Variants in LYZ observed in about 807,000 individuals in gnomAD.
The protein encoded by LYZ is lysozyme C.
LYZ carries 18 observed loss-of-function variants against 15.8 expected under a neutral mutation model. The observed-to-expected ratio is 1.14, with a 90% CI of 0.79 to 1.69. The LOEUF (loss-of-function observed/expected upper bound fraction) is 1.69. Ranked by LOEUF, LYZ falls within the 40% of genes most tolerant of loss-of-function variation. The probability of loss-of-function intolerance (pLI) is 0.00; values close to 1 mark genes in which losing one functional copy is unlikely to be tolerated. For missense variants in LYZ, 139 were observed against 182.8 expected (o/e 0.76, Z 1.38); for synonymous variants, 60 against 61.7 (o/e 0.97, Z 0.13).
At chr12:69,348,668 T>TA (rs1341895491) in intron 1 of LYZ, 124 bp downstream of exon 1, 27 of 1,184,760 alleles carry the variant, frequency 2.3e-5, no homozygotes, top group Non-Finnish European at 3.2e-5. Flanking sequence ...TTTGTATACT[T>TA]ACAATGGCTA....
intron 2 of LYZ, 40 bp downstream of exon 2, chr12:69,350,312 C>T: frequency 6.2e-7 from 1 of 1,606,458 alleles, no homozygotes; most frequent in East Asian, 2.2e-5. Context: ...GTTATACTTA[C>T]AAGAATTGAG....
At chr12:69,349,759 A>G (rs1874800271) in intron 1 of LYZ, among the ~76,000 whole-genome samples, 1 of 152,238 alleles carries the variant, frequency 6.6e-6, no homozygotes, top group East Asian at 1.9e-4. Flanking sequence ...TGTATCTGCT[A>G]TGAATTTACA....
intron 3 of LYZ, 78 bp downstream of exon 3, chr12:69,352,376 C>T: frequency 8.7e-7 from 1 of 1,151,974 alleles, no homozygotes; most frequent in Non-Finnish European, 1.3e-6. Flanking sequence ...TTTTAAAGAC[C>T]AAAGTATGCT....
rs760486480 is a variant in LYZ, at chr12:69,350,238, A to C, written c.267A>C (p.Pro89=). The C allele has an allele frequency of 6.2e-7, 1 of 1,614,174 alleles. No individual in the cohort carries two copies. Among genetic ancestry groups the C allele is most frequent in the South Asian group, 1.1e-5 (1 of 91,088 alleles). ...SRYWCNDGKT[P]GAVNACHLSC... is the part of the protein sequence containing the mutation. ...ACTGGTGTAATGATGGCAAAACCCC[A>C]GGAGCAGTTAATGCCTGTCATTTAT... Residue 89 remains proline, a synonymous_variant, in exon 2 of 4, where the codon CCA becomes CCC. Transcript: ENST00000261267.
chr12:69,351,281 T>G (rs916542055), intron 2 of LYZ, among the ~76,000 whole-genome samples: 5 of 152,054 alleles, frequency 3.3e-5, no homozygotes, highest in African/African-American at 1.2e-4. Flanking sequence ...TCAAAAATAT[T>G]GCAGAAATCT....
At chr12:69,351,564 A>C (rs1429545193) in intron 2 of LYZ, among the ~76,000 whole-genome samples, 1 of 152,154 alleles carries the variant, frequency 6.6e-6, no homozygotes, top group Non-Finnish European at 1.5e-5. Context: ...ATATAAACCC[A>C]CATACAAACA....
chr12:69,349,194 G>A (rs1240619355), intron 1 of LYZ, among the ~76,000 whole-genome samples: 1 of 151,980 alleles, frequency 6.6e-6, no homozygotes, highest in African/African-American at 2.4e-5. Context: ...GTACAGATGG[G>A]GTTTCACCAT....
rs1874914848 is a variant in LYZ, at chr12:69,354,212, C to G, written c.*993C>G. 6.6e-6 allele frequency: 1 copy of G among 152,178 alleles called. No homozygotes were observed. Among genetic ancestry groups the G allele is most frequent in the South Asian group, 2.1e-4 (1 of 4,828 alleles). The allele number at this position is 152,178 out of a possible 1,614,324, so 9.4% of individuals were successfully genotyped here. ...GCATGATGTAAAAAATACAAACATTCTAATTAAAGGCTTTGCAACACATGC... is the reference window on the plus strand; with the variant it reads ...GCATGATGTAAAAAATACAAACATTGTAATTAAAGGCTTTGCAACACATGC... On this transcript the variant is annotated 3_prime_UTR_variant, in exon 4 of 4. Transcript: ENST00000261267.
At position 69,348,733 on chromosome 12, in the gene LYZ, A is replaced by T. The variant is rs375718881; in HGVS notation, c.136+189A>T. Among the ~76,000 whole-genome samples the T allele has an allele frequency of 3.9e-5, 6 of 152,314 alleles. No homozygotes were observed. The East Asian group carries it at 1.2e-3, about 29-fold the overall frequency. ...AGATACCCGATAAAGGAATACGGGC[A>T]TGGCAGGGGAAAATTCCATTCTAAG... On this transcript the variant is annotated intron_variant, in intron 1 of 3. Transcript: ENST00000261267.
intron 2 of LYZ, among the ~76,000 whole-genome samples, chr12:69,351,676 A>C (rs907762431): frequency 6.6e-6 from 1 of 152,112 alleles, no homozygotes; most frequent in African/African-American, 2.4e-5. Flanking sequence ...AGCAAATACA[A>C]ATCGGTTTTT....
chr12:69,350,388 C>T, intron 2 of LYZ, 116 bp downstream of exon 2: 1 of 971,312 alleles, frequency 1.0e-6, no homozygotes, highest in South Asian at 1.4e-5. Flanking sequence ...ATCTCAACTT[C>T]CAGAAAGTCA....
intron 2 of LYZ, 160 bp downstream of exon 2, chr12:69,350,432 A>G: frequency 1.4e-6 from 1 of 703,594 alleles, no homozygotes; most frequent in Non-Finnish European, 2.4e-6. Flanking sequence ...TGAGTAAGAA[A>G]TTAAAGAAGT....
intron 2 of LYZ, chr12:69,350,528 T>A (rs1026718257): frequency 4.4e-6 from 2 of 449,834 alleles, no homozygotes; most frequent in African/African-American, 4.0e-5. Flanking sequence ...TACTGATGCT[T>A]TGTCCAGAAC....
chr12:69,353,160 T>C lies in LYZ; in HGVS notation c.388T>C (p.Trp130Arg), dbSNP rs1454603223. Residue 130 changes from tryptophan to arginine, a missense_variant, in exon 4 of 4, where the codon TGG (tryptophan) becomes CGG (arginine). By Grantham distance (101) the Trp-to-Arg change is moderately radical (BLOSUM62 -3). Coordinates refer to ENST00000261267, the MANE Select transcript of LYZ (RefSeq NM_000239.3). ...DPQGIRAWVA[W>R]RNRCQNRDVR... ...CTTCATCTTTTTCTACAGGGTGGCA[T>C]GGAGAAATCGTTGTCAAAACAGAGA... is the stretch of plus-strand genomic sequence containing the variant. 8 of 1,613,392 alleles carry C rather than the reference T, an allele frequency of 5.0e-6. No homozygotes were observed. The highest frequency in any genetic ancestry group is 2.7e-5 in the African/African-American group (2 of 74,928).
rs1555173499 is a variant in LYZ, at chr12:69,353,497, C to CTTTTTCTTTTTTTT, written c.*283_*284insCTTTTTTTTTTTTT. On this transcript the variant is annotated 3_prime_UTR_variant, in exon 4 of 4. Transcript: ENST00000261267. Reference sequence around the variant, plus strand: ...AAATACATCTCCAGTACATTCCGTTCTTTTTTTTTTTGAGACAGTCTCGCT... The same window carrying CTTTTTCTTTTTTTT: ...AAATACATCTCCAGTACATTCCGTTCTTTTTCTTTTTTTTTTTTTTTTTTTGAGACAGTCTCGCT... The CTTTTTCTTTTTTTT allele has an allele frequency of 4.0e-6, 1 of 252,662 alleles. No individual in the cohort carries two copies. Among genetic ancestry groups the CTTTTTCTTTTTTTT allele is most frequent in the East Asian group, 1.0e-4 (1 of 9,664 alleles). 15.7% of individuals were successfully genotyped at this position (252,662 alleles called of 1,614,324 possible). A position where few individuals can be genotyped will look rare whatever the true frequency, so the allele number is the denominator to read the frequency against.
intron 2 of LYZ, 71 bp downstream of exon 2, chr12:69,350,343 C>T (rs779167546): frequency 6.5e-7 from 1 of 1,535,216 alleles, no homozygotes; most frequent in Non-Finnish European, 9.0e-7. Context: ...AATGAAAAAG[C>T]CTTGAAAGGT....
At chr12:69,353,013 T>A (rs1167502760) in intron 3 of LYZ, 140 bp from the exon 4 acceptor site, 3 of 712,762 alleles carry the variant, frequency 4.2e-6, no homozygotes, top group Non-Finnish European at 7.7e-6. Context: ...TATCTTCATT[T>A]AATAAATAGC....
Position 69,348,439 on chromosome 12 carries a change from C to T in LYZ, c.31C>T (p.Leu11Phe), listed in dbSNP as rs781538176. The T allele has an allele frequency of 1.9e-6, 3 of 1,614,056 alleles. No individual in the cohort carries two copies. Among genetic ancestry groups the T allele is most frequent in the Non-Finnish European group, 2.5e-6 (3 of 1,180,024 alleles). The change falls in exon 1 of 4, where the codon CTC becomes TTC. Residue 11 changes from leucine (L) to phenylalanine (F), a missense_variant. Coordinates refer to ENST00000261267, the MANE Select transcript of LYZ (RefSeq NM_000239.3). MKALIVLGLV[L>F]LSVTVQGKVF... ...GGCTCTCATTGTTCTGGGGCTTGTC[C>T]TCCTTTCTGTTACGGTCCAGGGCAA...
chr12:69,350,532 CCAGAACAA>C, intron 2 of LYZ: 1 of 428,570 alleles, frequency 2.3e-6, no homozygotes, highest in Non-Finnish European at 4.3e-6. Flanking sequence ...GATGCTTTGT[CCAGAACAA>C]TGCCATTGCT....
Sources: allele counts gnomAD v4.1 joint callset (sites outside exome capture counted in the v4.1 genomes callset), GRCh38; gene constraint gnomAD v4.1.1; transcripts MANE v1.5; gene names NCBI Gene and HGNC (gene_info 2026-07-23, HGNC 2026-07-21).